The following KIF13B variants were observed in gnomAD, a reference collection of about 807,000 sequenced individuals.
The protein encoded by KIF13B is kinesin family member 13B.
In KIF13B, 127 loss-of-function variants were observed where a neutral mutation model predicts 222.0. The observed-to-expected ratio is 0.57, with a 90% CI of 0.50 to 0.66. KIF13B has a LOEUF of 0.66. KIF13B is among the 30% of genes least tolerant of loss of function. The pLI, the probability that KIF13B is intolerant of heterozygous loss-of-function variation, is 0.00. For missense variants in KIF13B, 2,173 were observed against 2,379.0 expected, an observed-to-expected ratio of 0.91 and a Z score of 1.80; for synonymous variants, 976 against 919.0, an observed-to-expected ratio of 1.06 and a Z score of -1.12.
At chr8:29,213,830 T>C (rs1586934685) in intron 2 of KIF13B, among the ~76,000 whole-genome samples, 1 of 151,740 alleles carries the variant, frequency 6.6e-6, no homozygotes, top group Non-Finnish European at 1.5e-5. Context: ...GGCAGGCTCC[T>C]GTAATCCCAG....
chr8:29,201,545 AT>A (rs1181513264), intron 2 of KIF13B, among the ~76,000 whole-genome samples: 1 of 152,252 alleles, frequency 6.6e-6, no homozygotes, highest in Non-Finnish European at 1.5e-5. Context: ...AAAACACAAA[AT>A]AATATCAGTA....
At chr8:29,110,120 C>A (rs1446587135) in intron 32 of KIF13B, 50 bp from the exon 33 acceptor site, 2 of 1,458,042 alleles carry the variant, frequency 1.4e-6, no homozygotes, top group East Asian at 4.9e-5. Context: ...TGTACACACA[C>A]ACACGTACAC....
intron 10 of KIF13B, among the ~76,000 whole-genome samples, chr8:29,175,113 C>T (rs1185745709): frequency 6.6e-6 from 1 of 151,638 alleles, no homozygotes; most frequent in Non-Finnish European, 1.5e-5. Context: ...AAAATTATTT[C>T]TCCATTTTAA....
At position 29,165,738 on chromosome 8, in the gene KIF13B, T is replaced by A. The variant is rs375939324; in HGVS notation, c.1193A>T (p.Glu398Val). ...TTCCTGGATTAGCTTCTCAGATTCT[T>A]CCAGCCGGTCCTTTAGCTCTGGAGA... ...MKSPELKDRL[E>V]ESEKLIQEMT... The change falls in exon 12 of 40, where the codon GAA becomes GTA. Residue 398 changes from glutamate to valine, a missense_variant. Coordinates refer to ENST00000524189, the MANE Select transcript of KIF13B (RefSeq NM_015254.4). 5.7e-5 allele frequency: 92 copies of A among 1,613,684 alleles called. No homozygotes were observed. The highest frequency in any genetic ancestry group is 7.5e-5 in the Non-Finnish European group (88 of 1,179,710).
chr8:29,153,276 C>T (rs545670924), intron 14 of KIF13B, among the ~76,000 whole-genome samples: 11 of 152,246 alleles, frequency 7.2e-5, no homozygotes, highest in African/African-American at 2.4e-4. Context: ...GTCCAATCTA[C>T]GTGAATGAAA....
intron 2 of KIF13B, among the ~76,000 whole-genome samples, chr8:29,229,401 T>C (rs565892412): frequency 6.6e-6 from 1 of 152,350 alleles, no homozygotes; most frequent in East Asian, 1.9e-4. Flanking sequence ...CCTTTGAGTC[T>C]CATTTCCCTT....
At position 29,119,010 on chromosome 8, in the gene KIF13B, C is replaced by T; in HGVS notation, c.3536-18G>A. On this transcript the variant is annotated intron_variant, in intron 29 of 39. Transcript: ENST00000524189. ...ATCATCAGCTAAAAGCAAAGAAGTT[C>T]CATTAAATACTGAGATCATTTTCAA... 1 of 1,608,912 alleles carries T rather than the reference C, an allele frequency of 6.2e-7. No homozygotes were observed. Among genetic ancestry groups the T allele is most frequent in the Non-Finnish European group, 8.5e-7 (1 of 1,178,102 alleles).
At chr8:29,180,358 CATTTT>C in intron 7 of KIF13B, 120 bp from the exon 8 acceptor site, 1 of 1,008,434 alleles carries the variant, frequency 9.9e-7, no homozygotes, top group African/African-American at 1.6e-5. Context: ...TTGGAGTTAA[CATTTT>C]GTTTCTCAAT....
intron 2 of KIF13B, among the ~76,000 whole-genome samples, chr8:29,227,689 CTGTAA>C (rs1460535039): frequency 6.6e-6 from 1 of 152,174 alleles, no homozygotes; most frequent in Non-Finnish European, 1.5e-5. Context: ...CGGCTCACGC[CTGTAA>C]TCCCAGGGCT....
intron 24 of KIF13B, 81 bp from the exon 25 acceptor site, chr8:29,127,349 A>T: frequency 8.2e-7 from 1 of 1,215,222 alleles, no homozygotes; most frequent in Non-Finnish European, 1.2e-6. Flanking sequence ...CTACAGGCTG[A>T]TGTTGAGAAA....
rs1207672021 is a variant in KIF13B, at chr8:29,067,396, T to C, written c.*3108A>G. On this transcript the variant is annotated 3_prime_UTR_variant, in exon 40 of 40. Coordinates refer to ENST00000524189, the MANE Select transcript of KIF13B (RefSeq NM_015254.4). ...TACATGATACAAATCATTAGAGTCT[T>C]TACAAGTCATTAGAGTCTTTGGATT... is the stretch of plus-strand genomic sequence containing the variant. The C allele has an allele frequency of 6.6e-6, 1 of 152,608 alleles. No individual in the cohort carries two copies. Among genetic ancestry groups the C allele is most frequent in the African/African-American group, 2.4e-5 (1 of 41,450 alleles). 9.5% of individuals were successfully genotyped at this position (152,608 alleles called of 1,614,324 possible). A position where few individuals can be genotyped will look rare whatever the true frequency, so the allele number is the denominator to read the frequency against.
chr8:29,091,186 G>A (rs1808283987), intron 37 of KIF13B, among the ~76,000 whole-genome samples: 1 of 152,182 alleles, frequency 6.6e-6, no homozygotes, highest in Non-Finnish European at 1.5e-5. Flanking sequence ...GGGCATTATA[G>A]TTATTCTCCA....
At position 29,099,259 on chromosome 8, in the gene KIF13B, G is replaced by A. The variant is rs1808681944; in HGVS notation, c.4216-18C>T. On this transcript the variant is annotated intron_variant, in intron 35 of 39. Coordinates refer to ENST00000524189, the MANE Select transcript of KIF13B (RefSeq NM_015254.4). ...CACCGGCCCTAGTAAAGACAAAATTGGCAATTTTGTTTCAAGTTATTCAAT... is the reference window on the plus strand; with the variant it reads ...CACCGGCCCTAGTAAAGACAAAATTAGCAATTTTGTTTCAAGTTATTCAAT... The A allele has an allele frequency of 1.3e-6, 2 of 1,558,600 alleles. No individual in the cohort carries two copies. Among genetic ancestry groups the A allele is most frequent in the South Asian group, 1.2e-5 (1 of 84,166 alleles).
chr8:29,224,217 A>T (rs1814909027), intron 2 of KIF13B, among the ~76,000 whole-genome samples: 1 of 149,750 alleles, frequency 6.7e-6, no homozygotes. Context: ...GTTAGCCAGG[A>T]TGGTCTCGAT....
At chr8:29,091,239 C>T (rs978147846) in intron 37 of KIF13B, among the ~76,000 whole-genome samples, 1 of 152,186 alleles carries the variant, frequency 6.6e-6, no homozygotes, top group Non-Finnish European at 1.5e-5. Context: ...CCTCTCACTT[C>T]CAGAGAGAGC....
chr8:29,213,258 C>A (rs1051672980), intron 2 of KIF13B, among the ~76,000 whole-genome samples: 1 of 152,192 alleles, frequency 6.6e-6, no homozygotes, highest in African/African-American at 2.4e-5. Context: ...GAATTCAAAT[C>A]TAGATTCAAT....
chr8:29,258,525 A>G (rs753291316), intron 1 of KIF13B, among the ~76,000 whole-genome samples: 76 of 152,246 alleles, frequency 5.0e-4, no homozygotes, highest in Non-Finnish European at 5.0e-4. Context: ...GCTTCCTGCA[A>G]TCCACCTGAC....
At chr8:29,157,051 A>T (rs1811565120) in intron 13 of KIF13B, among the ~76,000 whole-genome samples, 1 of 151,872 alleles carries the variant, frequency 6.6e-6, no homozygotes, top group Non-Finnish European at 1.5e-5. Flanking sequence ...ACAAGCCCAT[A>T]CCCACCCCAT....
chr8:29,090,819 C>T (rs1013670178), intron 37 of KIF13B, among the ~76,000 whole-genome samples: 5 of 152,212 alleles, frequency 3.3e-5, no homozygotes, highest in African/African-American at 1.2e-4. Flanking sequence ...AAGCGATTCT[C>T]ATGCCTCATA....
Sources: gnomAD v4.1 joint callset for allele counts (sites outside exome capture counted in the v4.1 genomes callset) on GRCh38, gnomAD v4.1.1 for gene constraint, MANE v1.5 for transcripts, NCBI Gene and HGNC (gene_info 2026-07-23, HGNC 2026-07-21) for gene names.